The following UBAP1 variants were observed in gnomAD, a reference collection of about 807,000 sequenced individuals.
The protein encoded by UBAP1 is ubiquitin-associated protein 1.
UBAP1 carries 5 observed loss-of-function variants against 39.0 expected under a neutral mutation model. That is an observed-to-expected ratio of 0.13 (90% confidence interval 0.07 to 0.27). The LOEUF (loss-of-function observed/expected upper bound fraction) is 0.27. UBAP1 is among the 10% of genes least tolerant of loss of function. The pLI, the probability that UBAP1 is intolerant of heterozygous loss-of-function variation, is 1.00. For synonymous variants in UBAP1, 211 were observed against 225.1 expected (o/e 0.94, Z 0.56); for missense variants, 490 against 608.1 (o/e 0.81, Z 2.04).
At chr9:34,184,254 A>G (rs1231798522) in intron 1 of UBAP1, among the ~76,000 whole-genome samples, 3 of 152,078 alleles carry the variant, frequency 2.0e-5, no homozygotes, top group Non-Finnish European at 4.4e-5. Context: ...AAGTAGCAAG[A>G]TTCACAAAGG....
At position 34,250,706 on chromosome 9, in the gene UBAP1, G is replaced by A. The variant is rs755668109; in HGVS notation, c.1315G>A (p.Asp439Asn). ...AHGQLCEKGF[D>N]PLLVEEALEM... The stretch of plus-strand genomic sequence containing the variant: ...TGGACAGCTTTGTGAGAAGGGCTTC[G>A]ACCCTCTTTTAGTGGAAGAGGCTCT... The change falls in exon 6 of 7, where the codon GAC (aspartate) becomes AAC (asparagine). Residue 439 changes from aspartate (D) to asparagine (N), a missense_variant. By Grantham distance (23) the Asp-to-Asn change is conservative. Coordinates refer to ENST00000297661, the MANE Select transcript of UBAP1 (RefSeq NM_016525.5). 9.3e-6 allele frequency: 15 copies of A among 1,613,708 alleles called. No homozygotes were observed. The highest frequency in any genetic ancestry group is 3.3e-5 in the Admixed American group (2 of 59,996).
At chr9:34,217,783 C>CTTTTTTT (rs750494361) in intron 1 of UBAP1, among the ~76,000 whole-genome samples, 1,255 of 41,274 alleles carry the variant, frequency 0.03, 289 homozygotes, top group South Asian at 0.045. Context: ...GGATTTCGTT[C>CTTTTTTT]TTTTTTTTTT....
intron 3 of UBAP1, among the ~76,000 whole-genome samples, chr9:34,234,847 T>A (rs1253428006): frequency 6.6e-6 from 1 of 152,194 alleles, no homozygotes; most frequent in Non-Finnish European, 1.5e-5. Context: ...TATGCTATAC[T>A]TTTTAGCATT....
chr9:34,220,804 A>G (rs914942211), intron 1 of UBAP1, 104 bp from the exon 2 acceptor site: 9 of 914,058 alleles, frequency 9.8e-6, no homozygotes, highest in Admixed American at 9.6e-5. Flanking sequence ...GGATTCTGTC[A>G]GCCCTAAAAC....
At chr9:34,189,999 C>T (rs1178785463) in intron 1 of UBAP1, among the ~76,000 whole-genome samples, 1 of 152,082 alleles carries the variant, frequency 6.6e-6, no homozygotes, top group Non-Finnish European at 1.5e-5. Context: ...CCAAAGGAAA[C>T]AAACTTAACA....
chr9:34,187,204 G>A (rs898914240), intron 1 of UBAP1, among the ~76,000 whole-genome samples: 1 of 152,178 alleles, frequency 6.6e-6, no homozygotes, highest in Non-Finnish European at 1.5e-5. Context: ...CACTGCGCCC[G>A]GCTGGTTTGT....
intron 1 of UBAP1, among the ~76,000 whole-genome samples, chr9:34,183,661 A>G (rs1203321825): frequency 6.6e-6 from 1 of 151,970 alleles, no homozygotes; most frequent in Admixed American, 6.6e-5. Flanking sequence ...AGTTTCCCAC[A>G]CAGAATGGGA....
At chr9:34,181,798 C>CA (rs1463567264) in intron 1 of UBAP1, among the ~76,000 whole-genome samples, 1 of 146,864 alleles carries the variant, frequency 6.8e-6, no homozygotes, top group African/African-American at 2.6e-5. Context: ...AAAACTTCTT[C>CA]AGTTTCTTTC....
rs187177674 is a variant in UBAP1, at chr9:34,226,102, C to G, written c.34+5154C>G. On this transcript the variant is annotated intron_variant, in intron 2 of 6. Coordinates refer to ENST00000297661, the MANE Select transcript of UBAP1 (RefSeq NM_016525.5). The stretch of plus-strand genomic sequence containing the variant: ...TTACCTTCTAAAGTTTCCTCCTACT[C>G]TATTGTGTGTGTGTGTGTGTGTGTG... 5.8e-5 allele frequency among the ~76,000 whole-genome samples: 3 copies of G among 51,464 alleles called. No homozygotes were observed. In the East Asian group the frequency reaches 1.4e-3, roughly 25 times the overall value. 33.8% of individuals were successfully genotyped at this position (51,464 alleles called of 152,430 possible).
At chr9:34,250,887 G>T in intron 6 of UBAP1, 128 bp downstream of exon 6, 1 of 776,684 alleles carries the variant, frequency 1.3e-6, no homozygotes, top group Non-Finnish European at 2.2e-6. Context: ...AGTATTTGAA[G>T]GGCAGAATCT....
intron 1 of UBAP1, among the ~76,000 whole-genome samples, chr9:34,184,687 A>G (rs1371365152): frequency 1.3e-5 from 2 of 149,094 alleles, no homozygotes; most frequent in African/African-American, 2.5e-5. Context: ...CAGTGGCACA[A>G]TCTCGGCTCA....
intron 1 of UBAP1, chr9:34,191,492 A>C (rs1264616289): frequency 6.5e-6 from 1 of 153,122 alleles, no homozygotes; most frequent in Non-Finnish European, 1.5e-5. Context: ...GTTGTAGTTC[A>C]CTTTTTCCAC....
Position 34,182,204 on chromosome 9 carries a change from A to G in UBAP1, c.-8+2964A>G, listed in dbSNP as rs999917345. Among the ~76,000 whole-genome samples the G allele has an allele frequency of 2.4e-4, 34 of 138,890 alleles. No homozygotes were observed. In the East Asian group the frequency reaches 2.8e-3, roughly 11 times the overall value. 91.1% of individuals were successfully genotyped at this position (138,890 alleles called of 152,430 possible). A position where few individuals can be genotyped will look rare whatever the true frequency, so the allele number is the denominator to read the frequency against. ...TATTTATTTATTTATTTATTTATTG[A>G]GACTGAGTCTCGCACTGTTGCCCAG... On this transcript the variant is annotated intron_variant, in intron 1 of 6. Coordinates refer to ENST00000297661, the MANE Select transcript of UBAP1 (RefSeq NM_016525.5).
chr9:34,248,817 C>A (rs1029907972), intron 4 of UBAP1, among the ~76,000 whole-genome samples: 3 of 152,194 alleles, frequency 2.0e-5, no homozygotes, highest in Non-Finnish European at 4.4e-5. Context: ...TCCCTCTCCC[C>A]ACCAATAAAA....
intron 2 of UBAP1, chr9:34,224,749 A>T (rs1302017850): frequency 4.5e-6 from 1 of 221,084 alleles, no homozygotes; most frequent in African/African-American, 2.3e-5. Context: ...TTAATAGGCA[A>T]TTGTGCAGGC....
chr9:34,210,222 T>C (rs1212597765), intron 1 of UBAP1, among the ~76,000 whole-genome samples: 1 of 152,158 alleles, frequency 6.6e-6, no homozygotes, highest in African/African-American at 2.4e-5. Context: ...AGTACGCCGA[T>C]GTGCAGCGGA....
intron 3 of UBAP1, 130 bp downstream of exon 3, chr9:34,234,470 T>G: frequency 9.6e-7 from 1 of 1,045,146 alleles, no homozygotes. Context: ...GGACCACATA[T>G]ACAATGGTGG....
chr9:34,250,549 C>T (rs536984753), intron 5 of UBAP1, 109 bp from the exon 6 acceptor site: 44 of 761,020 alleles, frequency 5.8e-5, no homozygotes, highest in Non-Finnish European at 8.8e-5. Context: ...CAGTATCTGA[C>T]GGCCTGGGTG....
intron 1 of UBAP1, among the ~76,000 whole-genome samples, chr9:34,182,988 C>T (rs1225755084): frequency 2.0e-5 from 3 of 151,842 alleles, no homozygotes; most frequent in Non-Finnish European, 4.4e-5. Context: ...CCGTGTTAGC[C>T]AGGATGGTCT....
Sources: allele counts gnomAD v4.1 joint callset (sites outside exome capture counted in the v4.1 genomes callset), GRCh38; gene constraint gnomAD v4.1.1; transcripts MANE v1.5; gene names NCBI Gene and HGNC (gene_info 2026-07-23, HGNC 2026-07-21).